RAB15: variants seen among roughly 807,000 people sequenced by gnomAD.
The protein encoded by RAB15 is ras-related protein Rab-15.
RAB15 carries 13 observed loss-of-function variants against 31.8 expected under a neutral mutation model. The observed-to-expected ratio is 0.41, with a 90% confidence interval of 0.27 to 0.65. The LOEUF (loss-of-function observed/expected upper bound fraction) is 0.65, where lower values mean the gene tolerates loss of function less well. Ranked by LOEUF, RAB15 falls within the 30% of genes least tolerant of loss-of-function variation. RAB15 has a pLI of 0.32. For missense variants in RAB15, 220 were observed against 277.3 expected, an observed-to-expected ratio of 0.79 and a Z score of 1.47; for synonymous variants, 100 against 105.6, an observed-to-expected ratio of 0.95 and a Z score of 0.33.
Position 64,953,272 on chromosome 14 carries a change from G to A in RAB15, c.125-701C>T, listed in dbSNP as rs1886362858. Among the ~76,000 whole-genome samples, 1 of 152,214 alleles carries A rather than the reference G, an allele frequency of 6.6e-6. No homozygotes were observed. The highest frequency in any genetic ancestry group is 1.5e-5 in the Non-Finnish European group (1 of 68,044). On this transcript the variant is annotated intron_variant, in intron 1 of 6. Coordinates refer to ENST00000533601, the MANE Select transcript of RAB15 (RefSeq NM_001308154.2). The surrounding 1 kb of genome is among the most constrained non-coding windows in gnomAD (Gnocchi z 4.6). ...TCATTGCTATAACATCAGGCACCTT[G>A]CTTCACTGAGCGTCCATTTCTGCCT...
In RAB15 at chr14:64,948,286, G is replaced by A. The variant is rs535385566; in HGVS notation, c.*68C>T. The A allele has an allele frequency of 3.6e-5, 51 of 1,421,344 alleles. No homozygotes were observed. The highest frequency in any genetic ancestry group is 5.9e-5 in the South Asian group (4 of 67,538). 88.0% of individuals were successfully genotyped at this position (1,421,344 alleles called of 1,614,324 possible). ...GAGGACAGCAGCAGGGCAAAGCCCC[G>A]GCTCCCCTGTCTGCCCACGGGCCTC... is the stretch of plus-strand genomic sequence containing the variant. On this transcript the variant is annotated 3_prime_UTR_variant, in exon 7 of 7. Transcript: ENST00000533601. The surrounding 1 kb of genome is among the most constrained non-coding windows in gnomAD (Gnocchi z 7.0).
At chr14:64,949,740 G>A (rs75931980) in intron 5 of RAB15, among the ~76,000 whole-genome samples, 40 of 134,362 alleles carry the variant, frequency 3.0e-4, no homozygotes, top group Middle Eastern at 4.0e-3. Context: ...AAAAAAAAAA[G>A]AAAGAAAGAA....
Position 64,951,034 on chromosome 14 carries a change from C to A in RAB15, c.324+40G>T, listed in dbSNP as rs748789866. 4 of 1,613,472 alleles carry A rather than the reference C, an allele frequency of 2.5e-6. No homozygotes were observed. The African/African-American group carries it at 4.0e-5, about 16-fold the overall frequency. On this transcript the variant is annotated intron_variant, in intron 4 of 6. Transcript: ENST00000533601. This position sits in a 1 kb window ranked among gnomAD's most constrained non-coding sequence, Gnocchi z 7.2. ...CCTCGCCTTGCCTTCCCCGGTGAGG[C>A]ACCCTCTCCACACCCCGGCAGTGAG...
rs770505396 is a variant in RAB15 at position 64,972,034 on chromosome 14, C to G, written c.43G>C (p.Gly15Arg). 6.2e-7 allele frequency: 1 copy of G among 1,610,536 alleles called. No homozygotes were observed. The highest frequency in any genetic ancestry group is 8.5e-7 in the Non-Finnish European group (1 of 1,178,718). Residue 15 changes from glycine (G) to arginine (R), a missense_variant, in exon 1 of 7, where the codon GGG becomes CGG. Transcript: ENST00000533601. The surrounding 1 kb of genome is among the most constrained non-coding windows in gnomAD (Gnocchi z 6.3). Reference protein sequence around the residue: ...YDVLFRLLLIGDSGVGKTCLL... With the variant: ...YDVLFRLLLIRDSGVGKTCLL... ...CAGGTCTTGCCCACCCCGGAGTCCC[C>G]GATCAGCAGCAGCCGGAACAGCACA...
Position 64,948,384 on chromosome 14 carries a change from T to C in RAB15, c.609A>G (p.Pro203=). 6.2e-7 allele frequency: 1 copy of C among 1,604,578 alleles called. No homozygotes were observed. The highest frequency in any genetic ancestry group is 2.2e-5 in the East Asian group (1 of 44,826). ...LEEEEGKPEG[P]ANSSKTCWC is the part of the protein sequence containing the mutation. ...ACCAGCAGGTTTTCGAAGAGTTCGCTGGGCCCTCGGGTTTGCCCTCCTCCT... is the reference window on the plus strand; with the variant it reads ...ACCAGCAGGTTTTCGAAGAGTTCGCCGGGCCCTCGGGTTTGCCCTCCTCCT... Residue 203 remains proline, a synonymous_variant, in exon 7 of 7, where the codon CCA becomes CCG. Coordinates refer to ENST00000533601, the MANE Select transcript of RAB15 (RefSeq NM_001308154.2). The surrounding 1 kb of genome is among the most constrained non-coding windows in gnomAD (Gnocchi z 7.0).
intron 1 of RAB15, among the ~76,000 whole-genome samples, chr14:64,965,173 G>T (rs950716729): frequency 1.3e-5 from 2 of 151,806 alleles, no homozygotes; most frequent in Non-Finnish European, 2.9e-5. Flanking sequence ...AAGAGATGGG[G>T]TCGGCCAGCC....
At chr14:64,961,593 C>T (rs1232563587) in intron 1 of RAB15, among the ~76,000 whole-genome samples, 1 of 152,180 alleles carries the variant, frequency 6.6e-6, no homozygotes, top group African/African-American at 2.4e-5. Flanking sequence ...AGGCCATCCA[C>T]TCCCTCCAGC....
Position 64,948,256 on chromosome 14 carries a change from C to CT in RAB15, c.*97_*98insA. 3.1e-6 allele frequency: 4 copies of CT among 1,298,472 alleles called. No homozygotes were observed. The highest frequency in any genetic ancestry group is 4.1e-6 in the Non-Finnish European group (4 of 977,314). 80.4% of individuals were successfully genotyped at this position (1,298,472 alleles called of 1,614,324 possible). A position where few individuals can be genotyped will look rare whatever the true frequency, so the allele number is the denominator to read the frequency against. The stretch of plus-strand genomic sequence containing the variant: ...CTACTGATACTCAATAGGGTCATCA[C>CT]ACGAGAGGACAGCAGCAGGGCAAAG... On this transcript the variant is annotated 3_prime_UTR_variant, in exon 7 of 7. Coordinates refer to ENST00000533601, the MANE Select transcript of RAB15 (RefSeq NM_001308154.2). The surrounding 1 kb of genome is among the most constrained non-coding windows in gnomAD (Gnocchi z 7.0).
rs45454295 is a variant in RAB15 at position 64,952,575 on chromosome 14, A to C, written c.125-4T>G. ...GTCTTCATCTTAAAGTCAACACCTG[A>C]AGAAAGGAAGAAAGAAAGAAAGTTA... On this transcript the variant is annotated splice_polypyrimidine_tract_variant and splice_region_variant and intron_variant, in intron 1 of 6. Coordinates refer to ENST00000533601, the MANE Select transcript of RAB15 (RefSeq NM_001308154.2). The surrounding 1 kb of genome is among the most constrained non-coding windows in gnomAD (Gnocchi z 4.2). 6.2e-7 allele frequency: 1 copy of C among 1,603,740 alleles called. No homozygotes were observed. Among genetic ancestry groups the C allele is most frequent in the East Asian group, 2.2e-5 (1 of 44,770 alleles).
In RAB15 at chr14:64,948,682, G is replaced by T. The variant is rs774076750; in HGVS notation, c.466C>A (p.Leu156Ile). The change falls in exon 6 of 7, where the codon CTC becomes ATC. Residue 156 changes from leucine (L) to isoleucine (I), a missense_variant. Transcript: ENST00000533601. The surrounding 1 kb of genome is among the most constrained non-coding windows in gnomAD (Gnocchi z 7.0). Reference sequence around the variant, plus strand: ...AGGGCTCTCACCTCTTTAATGTTGAGGTTGGTGCAGGCACTTGTTTCATAG... The same window carrying T: ...AGGGCTCTCACCTCTTTAATGTTGATGTTGGTGCAGGCACTTGTTTCATAG... ...DFYETSACTN[L>I]NIKESFTRLT... is the part of the protein sequence containing the mutation. The T allele has an allele frequency of 1.2e-6, 2 of 1,614,096 alleles. No homozygotes were observed. The highest frequency in any genetic ancestry group is 3.3e-5 in the Admixed American group (2 of 60,016).
chr14:64,966,270 G>T (rs755230822), intron 1 of RAB15, among the ~76,000 whole-genome samples: 6 of 152,184 alleles, frequency 3.9e-5, no homozygotes, highest in African/African-American at 1.2e-4. Context: ...AGCAAATAGC[G>T]CCTGAACGAC....
chr14:64,947,384 C>G lies in RAB15; in HGVS notation c.*970G>C, dbSNP rs1291045529. 6.5e-6 allele frequency: 1 copy of G among 152,746 alleles called. No homozygotes were observed. The highest frequency in any genetic ancestry group is 1.5e-5 in the Non-Finnish European group (1 of 68,146). The allele number at this position is 152,746 out of a possible 1,614,324, so 9.5% of individuals were successfully genotyped here. ...GGTTGGCCTGACAGTGTCACTGACC[C>G]CAGGGCTCTCCTTGCCCCTGGAGTA... On this transcript the variant is annotated 3_prime_UTR_variant, in exon 7 of 7. Coordinates refer to ENST00000533601, the MANE Select transcript of RAB15 (RefSeq NM_001308154.2). The surrounding 1 kb of genome is among the most constrained non-coding windows in gnomAD (Gnocchi z 5.6).
chr14:64,967,326 C>T (rs369275121), intron 1 of RAB15, among the ~76,000 whole-genome samples: 5 of 152,158 alleles, frequency 3.3e-5, no homozygotes, highest in South Asian at 2.1e-4. Context: ...AGGTAGCTCA[C>T]GCCTATAATC....
intron 1 of RAB15, among the ~76,000 whole-genome samples, chr14:64,961,991 G>C (rs543848963): frequency 6.6e-6 from 1 of 151,682 alleles, no homozygotes; most frequent in Non-Finnish European, 1.5e-5. Flanking sequence ...GAGGCAGGCA[G>C]GTCACCTGAG....
In RAB15 at chr14:64,952,605, G is replaced by A; in HGVS notation, c.125-34C>T. On this transcript the variant is annotated intron_variant, in intron 1 of 6. Transcript: ENST00000533601. The surrounding 1 kb of genome is among the most constrained non-coding windows in gnomAD (Gnocchi z 4.2). The stretch of plus-strand genomic sequence containing the variant: ...AGGAAGAAAGAAAGAAAGTTAGAAA[G>A]CGTACCCACGAGAAATGAACAGGAA... 1 of 1,495,384 alleles carries A rather than the reference G, an allele frequency of 6.7e-7. No individual in the cohort carries two copies. The highest frequency in any genetic ancestry group is 2.3e-5 in the East Asian group (1 of 44,096). The allele number at this position is 1,495,384 out of a possible 1,614,324, so 92.6% of individuals were successfully genotyped here.
intron 1 of RAB15, among the ~76,000 whole-genome samples, chr14:64,966,786 T>G (rs1887164396): frequency 6.6e-6 from 1 of 152,184 alleles, no homozygotes; most frequent in South Asian, 2.1e-4. Flanking sequence ...TCCATTCTGC[T>G]CATTGCTTCT....
In RAB15 at chr14:64,967,727, A is replaced by G. The variant is rs74501798; in HGVS notation, c.124+4226T>C. ...GTCCCCTGAACATAGATGTCCATGT[A>G]TGACATCTTCTCCCTACCTGGTCAT... On this transcript the variant is annotated intron_variant, in intron 1 of 6. Coordinates refer to ENST00000533601, the MANE Select transcript of RAB15 (RefSeq NM_001308154.2). Among the ~76,000 whole-genome samples, 745 of 152,318 alleles carry G rather than the reference A, an allele frequency of 4.9e-3. 7 individuals carry two copies. Among genetic ancestry groups the G allele is most frequent in the African/African-American group, 0.017 (688 of 41,586 alleles).
At position 64,952,840 on chromosome 14, in the gene RAB15, C is replaced by T. The variant is rs1252146788; in HGVS notation, c.125-269G>A. On this transcript the variant is annotated intron_variant, in intron 1 of 6. Coordinates refer to ENST00000533601, the MANE Select transcript of RAB15 (RefSeq NM_001308154.2). The surrounding 1 kb of genome is among the most constrained non-coding windows in gnomAD (Gnocchi z 4.2). ...GGGAGAGTGAATCTGGGGAAATCTA[C>T]TTCATCACTGCCTTACTCGACAGAC... Among the ~76,000 whole-genome samples, 2 of 152,252 alleles carry T rather than the reference C, an allele frequency of 1.3e-5. No homozygotes were observed. Among genetic ancestry groups the T allele is most frequent in the African/African-American group, 4.8e-5 (2 of 41,464 alleles).
Position 64,955,966 on chromosome 14 carries a change from G to A in RAB15, c.125-3395C>T, listed in dbSNP as rs1283374939. Among the ~76,000 whole-genome samples the A allele has an allele frequency of 1.3e-5, 2 of 152,236 alleles. No individual in the cohort carries two copies. The highest frequency in any genetic ancestry group is 4.8e-5 in the African/African-American group (2 of 41,452). On this transcript the variant is annotated intron_variant, in intron 1 of 6. Coordinates refer to ENST00000533601, the MANE Select transcript of RAB15 (RefSeq NM_001308154.2). The surrounding 1 kb of genome is among the most constrained non-coding windows in gnomAD (Gnocchi z 4.4). ...GAGTTAAAATGCAGATTCTGATCTG[G>A]TAGGTGTAGGGCAAGGCCTGAGATG... is the stretch of plus-strand genomic sequence containing the variant.
Sources: allele counts gnomAD v4.1 joint callset (sites outside exome capture counted in the v4.1 genomes callset), GRCh38; gene constraint gnomAD v4.1.1; non-coding constraint Gnocchi (gnomAD v3.1); transcripts MANE v1.5; gene names NCBI Gene and HGNC (gene_info 2026-07-23, HGNC 2026-07-21).